The following LRTM2 variants were observed in gnomAD, a reference collection of about 807,000 sequenced individuals.
LRTM2 encodes the protein leucine-rich repeat and transmembrane domain-containing protein 2.
LRTM2 carries 18 observed loss-of-function variants against 28.1 expected under a neutral mutation model. The observed-to-expected ratio is 0.64, with a 90% CI of 0.44 to 0.95. The LOEUF is 0.95. LRTM2 is among the 40% of genes least tolerant of loss of function. The probability of loss-of-function intolerance (pLI) is 0.00; values close to 1 mark genes in which losing one functional copy is unlikely to be tolerated. For synonymous variants in LRTM2, 250 were observed against 218.7 expected (o/e 1.14, Z -1.26); for missense variants, 436 against 497.2 (o/e 0.88, Z 1.17).
rs762456201 is a variant in LRTM2 at position 1,831,214 on chromosome 12, C to G, written c.347C>G (p.Thr116Arg). 3 of 1,613,844 alleles carry G rather than the reference C, an allele frequency of 1.9e-6. No homozygotes were observed. The highest frequency in any genetic ancestry group is 2.5e-6 in the Non-Finnish European group (3 of 1,180,030). The change falls in exon 4 of 5, where the codon ACG (threonine) becomes AGG (arginine). Residue 116 changes from threonine (T) to arginine (R), a missense_variant. Thr to Arg is a moderately conservative substitution (Grantham distance 71, BLOSUM62 -1). Coordinates refer to ENST00000299194, the MANE Select transcript of LRTM2 (RefSeq NM_001039029.3). The part of the protein sequence containing the change: ...RLPRSIFGDL[T>R]NLTELQLRNN... ...CCCCGCTCCATTTTCGGGGACCTGA[C>G]GAATCTGACTGAGCTTCAGCTGCGC...
In LRTM2 at chr12:1,831,110, T is replaced by A. The variant is rs374285863; in HGVS notation, c.243T>A (p.Ser81Arg). 4.2e-5 allele frequency: 68 copies of A among 1,613,848 alleles called. No homozygotes were observed. Among genetic ancestry groups the A allele is most frequent in the Admixed American group, 1.7e-5 (1 of 60,014 alleles). ...TCTTGCTCTTGAACAATAAGCTGAG[T>A]GCCCTGCCAAGCTGGGCTTTCGCCA... ...RTLLLLNNKL[S>R]ALPSWAFANL... is the part of the protein sequence containing the mutation. The change falls in exon 4 of 5, where the codon AGT becomes AGA. Residue 81 changes from serine to arginine, a missense_variant. Coordinates refer to ENST00000299194, the MANE Select transcript of LRTM2 (RefSeq NM_001039029.3).
In LRTM2 at chr12:1,829,042, G is replaced by C. The variant is rs1033437748; in HGVS notation, c.67+827G>C. On this transcript the variant is annotated intron_variant, in intron 3 of 4. Transcript: ENST00000299194. This position sits in a 1 kb window ranked among gnomAD's most constrained non-coding sequence, Gnocchi z 4.2. ...AGCCTGAATTATTCACCATGTGAGA[G>C]AGGCTGGCCCCTGAGTGACTCAGAT... 6.6e-6 allele frequency among the ~76,000 whole-genome samples: 1 copy of C among 152,208 alleles called. No individual in the cohort carries two copies. Among genetic ancestry groups the C allele is most frequent in the Non-Finnish European group, 1.5e-5 (1 of 68,046 alleles).
At chr12:1,823,848 C>T (rs1864210629) in intron 1 of LRTM2, among the ~76,000 whole-genome samples, 1 of 152,172 alleles carries the variant, frequency 6.6e-6, no homozygotes. Flanking sequence ...CTGCAGAGGA[C>T]CATTCAGAGG....
chr12:1,831,218 T>C lies in LRTM2; in HGVS notation c.351T>C (p.Asn117=), dbSNP rs1450350958. ...GCTCCATTTTCGGGGACCTGACGAA[T>C]CTGACTGAGCTTCAGCTGCGCAATA... ...LPRSIFGDLT[N]LTELQLRNNS... is the part of the protein sequence containing the mutation. Residue 117 remains asparagine, a synonymous_variant, in exon 4 of 5, where the codon AAT becomes AAC. Transcript: ENST00000299194. The C allele has an allele frequency of 1.9e-6, 3 of 1,613,774 alleles. No individual in the cohort carries two copies. The African/African-American group carries it at 4.0e-5, about 22-fold the overall frequency.
Position 1,834,639 on chromosome 12 carries a change from G to A in LRTM2, c.1031G>A (p.Arg344Gln), listed in dbSNP as rs762791910. 10 of 1,600,558 alleles carry A rather than the reference G, an allele frequency of 6.2e-6. No homozygotes were observed. The highest frequency in any genetic ancestry group is 4.4e-5 in the South Asian group (4 of 91,072). The change falls in exon 5 of 5, where the codon CGG becomes CAG. Residue 344 changes from arginine to glutamine, a missense_variant. Physicochemically the swap from Arg to Gln is conservative, Grantham distance 43. Coordinates refer to ENST00000299194, the MANE Select transcript of LRTM2 (RefSeq NM_001039029.3). This position sits in a 1 kb window ranked among gnomAD's most constrained non-coding sequence, Gnocchi z 7.6. ...IYASLMAKYH[R>Q]ELKKRQPLMG... is the part of the protein sequence containing the mutation. ...GCCTCCCTCATGGCCAAGTACCACC[G>A]GGAGCTCAAAAAGCGCCAGCCCCTG...
In LRTM2 at chr12:1,822,687, G is replaced by A. The variant is rs543812492; in HGVS notation, c.-259+1873G>A. On this transcript the variant is annotated intron_variant, in intron 1 of 4. Transcript: ENST00000299194. ...TTTAAAATGAACCAGGAGGGTATATGGCTGTTCCAAGTACAAATATAGAGA... is the reference window on the plus strand; with the variant it reads ...TTTAAAATGAACCAGGAGGGTATATAGCTGTTCCAAGTACAAATATAGAGA... Among the ~76,000 whole-genome samples the A allele has an allele frequency of 5.9e-5, 9 of 152,364 alleles. 1 individual carries two copies. The East Asian group carries it at 1.5e-3, about 26-fold the overall frequency.
chr12:1,831,870 T>C (rs1226844157), intron 4 of LRTM2, among the ~76,000 whole-genome samples: 2 of 151,918 alleles, frequency 1.3e-5, no homozygotes, highest in Non-Finnish European at 2.9e-5. Flanking sequence ...ACACCTGGGC[T>C]TTGTATCCCG....
chr12:1,834,683 G>A lies in LRTM2; in HGVS notation c.1075G>A (p.Glu359Lys), dbSNP rs780595735. The change falls in exon 5 of 5, where the codon GAG becomes AAG. Residue 359 changes from glutamate (E) to lysine (K), a missense_variant. Coordinates refer to ENST00000299194, the MANE Select transcript of LRTM2 (RefSeq NM_001039029.3). This position sits in a 1 kb window ranked among gnomAD's most constrained non-coding sequence, Gnocchi z 7.6. ...GCCCCTGATGGGGGACCCCGAGGGC[G>A]AGCACGAGGACCAGAAGCAGATCTC... ...RQPLMGDPEG[E>K]HEDQKQISSV... 4 of 1,601,764 alleles carry A rather than the reference G, an allele frequency of 2.5e-6. No homozygotes were observed. Among genetic ancestry groups the A allele is most frequent in the Non-Finnish European group, 3.4e-6 (4 of 1,179,370 alleles).
intron 4 of LRTM2, 100 bp downstream of exon 4, chr12:1,831,625 C>A: frequency 1.9e-6 from 2 of 1,064,610 alleles, no homozygotes; most frequent in Non-Finnish European, 2.7e-6. Context: ...AGAGAGCAGG[C>A]CAGGGGAAAG....
rs1426936565 is a variant in LRTM2 at position 1,831,266 on chromosome 12, G to A, written c.399G>A (p.Arg133=). ...LRNNSIRTLD[R]DLLRHSPLLR... ...ATAACAGCATCAGGACCCTGGACAG[G>A]GACCTGCTGCGGCACTCGCCGCTGC... is the stretch of plus-strand genomic sequence containing the variant. The change falls in exon 4 of 5, where the codon AGG becomes AGA. Residue 133 remains arginine (R), a synonymous_variant. Transcript: ENST00000299194. 1.2e-6 allele frequency: 2 copies of A among 1,613,724 alleles called. No homozygotes were observed. The highest frequency in any genetic ancestry group is 3.3e-5 in the Admixed American group (2 of 60,036).
chr12:1,826,233 A>G (rs1864309823), intron 1 of LRTM2, among the ~76,000 whole-genome samples: 1 of 152,128 alleles, frequency 6.6e-6, no homozygotes, highest in African/African-American at 2.4e-5. Context: ...CTGAATTTCC[A>G]TGGTGATGGG....
At chr12:1,832,621 TGTTA>T (rs996012100) in intron 4 of LRTM2, among the ~76,000 whole-genome samples, 3 of 152,248 alleles carry the variant, frequency 2.0e-5, no homozygotes, top group Non-Finnish European at 4.4e-5. Flanking sequence ...AATTCTCCTG[TGTTA>T]GTTAATTAAA....
At chr12:1,821,078 C>G (rs1300361773) in intron 1 of LRTM2, among the ~76,000 whole-genome samples, 1 of 152,178 alleles carries the variant, frequency 6.6e-6, no homozygotes, top group Non-Finnish European at 1.5e-5. Context: ...AGGAGGGCAG[C>G]GCTGGCGCCA....
chr12:1,828,144 T>C lies in LRTM2; in HGVS notation c.-5T>C, dbSNP rs1384578033. The stretch of plus-strand genomic sequence containing the variant: ...GACAGGGCCCGGAGAGCCGTGGGCC[T>C]CACCATGCTGGCGCCGGGCAGCAGC... On this transcript the variant is annotated 5_prime_UTR_variant, in exon 3 of 5. Transcript: ENST00000299194. This position sits in a 1 kb window ranked among gnomAD's most constrained non-coding sequence, Gnocchi z 4.2. 3.2e-6 allele frequency: 5 copies of C among 1,538,702 alleles called. No individual in the cohort carries two copies. The highest frequency in any genetic ancestry group is 1.2e-5 in the South Asian group (1 of 82,728).
intron 1 of LRTM2, among the ~76,000 whole-genome samples, chr12:1,822,963 C>T (rs1378896577): frequency 6.6e-6 from 1 of 152,200 alleles, no homozygotes; most frequent in Non-Finnish European, 1.5e-5. Flanking sequence ...CCCTGCAGGC[C>T]CAGGGTGTGG....
Position 1,831,151 on chromosome 12 carries a change from A to C in LRTM2, c.284A>C (p.Gln95Pro). ...SWAFANLSSL[Q>P]RLDLSNNFLD... ...GCTTTCGCCAACCTCTCCAGCCTGC[A>C]GCGGTTGGACCTGTCCAACAACTTC... The change falls in exon 4 of 5, where the codon CAG becomes CCG. Residue 95 changes from glutamine (Q) to proline (P), a missense_variant. Coordinates refer to ENST00000299194, the MANE Select transcript of LRTM2 (RefSeq NM_001039029.3). 1 of 1,614,046 alleles carries C rather than the reference A, an allele frequency of 6.2e-7. No homozygotes were observed. The highest frequency in any genetic ancestry group is 8.5e-7 in the Non-Finnish European group (1 of 1,180,036).
chr12:1,832,704 C>A (rs1361864499), intron 4 of LRTM2, among the ~76,000 whole-genome samples: 1 of 152,128 alleles, frequency 6.6e-6, no homozygotes, highest in Admixed American at 6.5e-5. Context: ...TTTTCATGAG[C>A]GGGGAAATAA....
rs376792849 is a variant in LRTM2 at position 1,828,236 on chromosome 12, G to A, written c.67+21G>A. On this transcript the variant is annotated intron_variant, in intron 3 of 4. Coordinates refer to ENST00000299194, the MANE Select transcript of LRTM2 (RefSeq NM_001039029.3). The surrounding 1 kb of genome is among the most constrained non-coding windows in gnomAD (Gnocchi z 4.2). ...CTCCTGTGAGTACACCCCTGGCCTC[G>A]GAGGGGGGTGCGGGTTGGGTGGGGG... 425 of 1,533,892 alleles carry A rather than the reference G, an allele frequency of 2.8e-4. 1 individual carries two copies. The highest frequency in any genetic ancestry group is 3.4e-4 in the Non-Finnish European group (384 of 1,138,236).
Position 1,826,923 on chromosome 12 carries a change from T to C in LRTM2, c.-258-487T>C, listed in dbSNP as rs982402219. On this transcript the variant is annotated intron_variant, in intron 1 of 4. Transcript: ENST00000299194. ...GCAGCTCCATCCACCTCTGGGCCTGTCTTTTTCACTCTGATATTGTCTCCT... is the reference window on the plus strand; with the variant it reads ...GCAGCTCCATCCACCTCTGGGCCTGCCTTTTTCACTCTGATATTGTCTCCT... Among the ~76,000 whole-genome samples, 3 of 152,334 alleles carry C rather than the reference T, an allele frequency of 2.0e-5. No individual in the cohort carries two copies. In the South Asian group the frequency reaches 6.2e-4, roughly 32 times the overall value.
Sources: gnomAD v4.1 joint callset for allele counts (sites outside exome capture counted in the v4.1 genomes callset) on GRCh38, gnomAD v4.1.1 for gene constraint, Gnocchi (gnomAD v3.1) non-coding constraint, MANE v1.5 for transcripts, NCBI Gene and HGNC (gene_info 2026-07-23, HGNC 2026-07-21) for gene names.